Variants in GRID2 observed in about 807,000 individuals in gnomAD.
GRID2 encodes the protein glutamate ionotropic receptor delta type subunit 2.
In GRID2, 33 loss-of-function variants were observed where a neutral mutation model predicts 114.8. The observed-to-expected ratio is 0.29, with a 90% CI of 0.22 to 0.38. The LOEUF is 0.38. Ranked by LOEUF, GRID2 falls within the 10% of genes least tolerant of loss-of-function variation. The pLI is 1.00. For synonymous variants in GRID2, 505 were observed against 449.9 expected (o/e 1.12, Z -1.55); for missense variants, 1,184 against 1,257.7 (o/e 0.94, Z 0.89).
intron 2 of GRID2, among the ~76,000 whole-genome samples, chr4:92,974,514 A>T (rs1353103903): frequency 6.6e-6 from 1 of 152,182 alleles, no homozygotes; most frequent in Non-Finnish European, 1.5e-5. Context: ...GCCATAAAAA[A>T]GGATGAGTTA....
At chr4:92,954,228 CACACACATATATATATACAAACACAT>C (rs1226722133) in intron 2 of GRID2, among the ~76,000 whole-genome samples, 4 of 151,894 alleles carry the variant, frequency 2.6e-5, no homozygotes, top group African/African-American at 9.7e-5. Context: ...CAAACATATA[CACACACATATATATATACAAACACAT>C]ACACACATAT....
chr4:93,490,673 A>T lies in GRID2; in HGVS notation c.1893A>T (p.Arg631=). The change falls in exon 12 of 16, where the codon CGA becomes CGT. Residue 631 remains arginine, a synonymous_variant. Transcript: ENST00000282020. Reference sequence around the variant, plus strand: ...TCCCGTACACGACTCTGGCTACCCGAATGATGATGGGGGCTTGGTGGCTAT... The same window carrying T: ...TCCCGTACACGACTCTGGCTACCCGTATGATGATGGGGGCTTGGTGGCTAT... The part of the protein sequence containing the change: ...GEVPYTTLAT[R]MMMGAWWLFA... 2 of 1,611,042 alleles carry T rather than the reference A, an allele frequency of 1.2e-6. No individual in the cohort carries two copies. Among genetic ancestry groups the T allele is most frequent in the Non-Finnish European group, 1.7e-6 (2 of 1,177,870 alleles).
intron 2 of GRID2, among the ~76,000 whole-genome samples, chr4:92,971,282 G>A (rs978905276): frequency 6.6e-5 from 10 of 152,032 alleles, no homozygotes; most frequent in South Asian, 4.1e-4. Flanking sequence ...GAAGAGCAGG[G>A]ACATAGGCAC....
intron 13 of GRID2, among the ~76,000 whole-genome samples, chr4:93,599,831 A>C (rs1161740118): frequency 6.6e-6 from 1 of 152,174 alleles, no homozygotes; most frequent in Non-Finnish European, 1.5e-5. Context: ...TTGCAGTTTT[A>C]CTGGCTTGGA....
chr4:92,356,914 G>A (rs1728357217), intron 1 of GRID2, among the ~76,000 whole-genome samples: 1 of 151,786 alleles, frequency 6.6e-6, no homozygotes, highest in African/African-American at 2.4e-5. Flanking sequence ...TCATTACTCT[G>A]TAACAAACTA....
chr4:92,670,917 T>A (rs1264457522), intron 2 of GRID2, among the ~76,000 whole-genome samples: 1 of 152,114 alleles, frequency 6.6e-6, no homozygotes, highest in Admixed American at 6.6e-5. Flanking sequence ...CTGCCAGCAG[T>A]ATTGAACAAA....
chr4:93,021,904 T>G (rs1723399534), intron 2 of GRID2, among the ~76,000 whole-genome samples: 1 of 149,784 alleles, frequency 6.7e-6, no homozygotes, highest in Non-Finnish European at 1.5e-5. Flanking sequence ...AACCAAAGCT[T>G]TTATAGCTTC....
At chr4:92,611,558 T>C (rs2149229208) in intron 2 of GRID2, among the ~76,000 whole-genome samples, 1 of 151,684 alleles carries the variant, frequency 6.6e-6, no homozygotes, top group South Asian at 2.1e-4. Context: ...AAACATTCAG[T>C]CATAGCATCT....
At chr4:92,785,786 A>G (rs976858434) in intron 2 of GRID2, among the ~76,000 whole-genome samples, 4 of 151,876 alleles carry the variant, frequency 2.6e-5, no homozygotes, top group Non-Finnish European at 4.4e-5. Context: ...AAGAAAGACA[A>G]GAAACAGTAG....
chr4:93,200,506 C>T (rs1184831631), intron 4 of GRID2, among the ~76,000 whole-genome samples: 3 of 152,020 alleles, frequency 2.0e-5, no homozygotes, highest in Admixed American at 2.0e-4. Context: ...GTGGAGCTTG[C>T]AGTGAGCCGA....
intron 2 of GRID2, among the ~76,000 whole-genome samples, chr4:93,010,391 C>A (rs1012941250): frequency 6.6e-6 from 1 of 151,700 alleles, no homozygotes; most frequent in Non-Finnish European, 1.5e-5. Context: ...TTAGGAAAAC[C>A]GTTTGCTTAC....
chr4:93,712,167 C>T (rs1437564736), intron 14 of GRID2, among the ~76,000 whole-genome samples: 2 of 151,992 alleles, frequency 1.3e-5, no homozygotes, highest in Non-Finnish European at 2.9e-5. Flanking sequence ...ATTGAATTTG[C>T]CAATCTTTTC....
intron 10 of GRID2, among the ~76,000 whole-genome samples, 159 bp from the exon 11 acceptor site, chr4:93,455,503 T>C (rs1044575438): frequency 2.6e-5 from 4 of 152,152 alleles, no homozygotes; most frequent in African/African-American, 9.7e-5. Flanking sequence ...AATTCACACA[T>C]AGCTCTTCTG....
chr4:92,690,208 A>G (rs1056803158), intron 2 of GRID2, among the ~76,000 whole-genome samples: 1 of 152,028 alleles, frequency 6.6e-6, no homozygotes, highest in Non-Finnish European at 1.5e-5. Context: ...TTTAAAAAAA[A>G]AAAAGAAAAA....
intron 2 of GRID2, among the ~76,000 whole-genome samples, chr4:93,037,024 T>C (rs971674361): frequency 2.1e-4 from 32 of 152,184 alleles, no homozygotes; most frequent in African/African-American, 7.5e-4. Flanking sequence ...TTCTGGTAAT[T>C]ACAGAAGTCT....
At chr4:92,558,716 T>C (rs1483631809) in intron 1 of GRID2, among the ~76,000 whole-genome samples, 3 of 152,172 alleles carry the variant, frequency 2.0e-5, no homozygotes, top group African/African-American at 7.2e-5. Flanking sequence ...GTTATCTATC[T>C]GTGAACCACT....
intron 14 of GRID2, among the ~76,000 whole-genome samples, chr4:93,699,414 A>T (rs1727317438): frequency 6.6e-6 from 1 of 152,156 alleles, no homozygotes. Context: ...GGACGTATTA[A>T]GACACTGAAA....
chr4:93,547,593 C>G lies in GRID2; in HGVS notation c.2193+32182C>G, dbSNP rs777381446. On this transcript the variant is annotated intron_variant, in intron 13 of 15. Coordinates refer to ENST00000282020, the MANE Select transcript of GRID2 (RefSeq NM_001510.4). ...TCGGGCCACATGCTAATTATTATCT[C>G]TAAGTTACATTTCATAGTATTCACA... Among the ~76,000 whole-genome samples the G allele has an allele frequency of 5.9e-5, 9 of 152,112 alleles. 1 individual carries two copies. The highest frequency in any genetic ancestry group is 1.3e-4 in the Non-Finnish European group (9 of 68,022).
At chr4:92,982,746 G>T (rs1420939196) in intron 2 of GRID2, among the ~76,000 whole-genome samples, 1 of 152,046 alleles carries the variant, frequency 6.6e-6, no homozygotes, top group Admixed American at 6.6e-5. Flanking sequence ...CTAAGGTGTT[G>T]TGTAGGGTAA....
Sources: allele counts gnomAD v4.1 joint callset (sites outside exome capture counted in the v4.1 genomes callset), GRCh38; gene constraint gnomAD v4.1.1; transcripts MANE v1.5; gene names NCBI Gene and HGNC (gene_info 2026-07-23, HGNC 2026-07-21).